Variants in INSL6 observed in about 807,000 individuals in gnomAD.
The protein encoded by INSL6 is insulin-like peptide INSL6.
In INSL6, 16 loss-of-function variants were observed where a neutral mutation model predicts 9.4. That is an observed-to-expected ratio of 1.70 (90% CI 1.15 to 2.59). The LOEUF (loss-of-function observed/expected upper bound fraction) is 2.59, where lower values mean the gene tolerates loss of function less well. INSL6 is among the 30% of genes most tolerant of loss of function. INSL6 has a pLI of 0.00. For missense variants in INSL6, 391 were observed against 257.3 expected (o/e 1.52, Z -3.56); for synonymous variants, 154 against 96.9 (o/e 1.59, Z -3.46).
downstream of INSL6, among the ~76,000 whole-genome samples, chr9:5,162,897 G>A (rs1338670235): frequency 6.6e-6 from 1 of 152,132 alleles, no homozygotes; most frequent in Admixed American, 6.5e-5. Context: ...GTACGAAGTA[G>A]GAATTCCATT....
At chr9:5,038,845 G>A in the INSL6 span, among the ~76,000 whole-genome samples, 7 of 152,052 alleles carry the variant, frequency 4.6e-5, no homozygotes, top group African/African-American at 1.7e-4. Flanking sequence ...TACAAGGCTA[G>A]TGTAACTTCC....
chr9:5,185,130 TA>T (rs569111077), intron 1 of INSL6, among the ~76,000 whole-genome samples, 183 bp downstream of exon 1: 1,946 of 148,188 alleles, frequency 0.013, 18 homozygotes, highest in African/African-American at 0.021. Flanking sequence ...TCCTCCAAGT[TA>T]AAAAAAAAAG....
intron 1 of INSL6, among the ~76,000 whole-genome samples, chr9:5,178,834 C>T (rs1162523509): frequency 6.6e-6 from 1 of 152,106 alleles, no homozygotes; most frequent in Admixed American, 6.6e-5. Flanking sequence ...AACTGGACCC[C>T]TTCCTTACAC....
intron 2 of INSL6, among the ~76,000 whole-genome samples, chr9:5,139,280 T>C (rs908412424): frequency 1.3e-5 from 2 of 151,934 alleles, no homozygotes; most frequent in East Asian, 3.8e-4. Context: ...TTTTTTCACG[T>C]GCAGTTTAGT....
chr9:5,178,352 G>C (rs544610910), intron 1 of INSL6, among the ~76,000 whole-genome samples: 2 of 152,258 alleles, frequency 1.3e-5, no homozygotes, highest in East Asian at 1.9e-4. Flanking sequence ...AGCTGTTCCA[G>C]CTTGCTGGTT....
At chr9:5,008,195 G>C in the INSL6 span, among the ~76,000 whole-genome samples, 2 of 152,066 alleles carry the variant, frequency 1.3e-5, no homozygotes, top group East Asian at 3.8e-4. Flanking sequence ...TCAATATTAT[G>C]GGTCCCAAAT....
At chr9:5,112,605 G>A in the INSL6 span, 1 of 819,660 alleles carries the variant, frequency 1.2e-6, no homozygotes, top group Non-Finnish European at 1.9e-6. Context: ...AAGGAGCTGG[G>A]GCGCATGTGG....
intron 2 of INSL6, among the ~76,000 whole-genome samples, chr9:5,141,824 T>C (rs919327968): frequency 3.9e-5 from 6 of 152,232 alleles, no homozygotes; most frequent in Non-Finnish European, 8.8e-5. Context: ...ATTGCCTAGG[T>C]TGTCTCCCAG....
chr9:5,166,054 G>C (rs905926343), intron 1 of INSL6, among the ~76,000 whole-genome samples: 2 of 152,164 alleles, frequency 1.3e-5, no homozygotes, highest in African/African-American at 4.8e-5. Context: ...TCCTCAGTTT[G>C]AAACTAGAAC....
chr9:5,083,160 A>G, the INSL6 span, among the ~76,000 whole-genome samples: 8 of 152,194 alleles, frequency 5.3e-5, no homozygotes, highest in Non-Finnish European at 8.8e-5. Flanking sequence ...AAAGGAATAC[A>G]TAAGCTTTTC....
chr9:5,180,489 A>G (rs1234842542), intron 1 of INSL6, among the ~76,000 whole-genome samples: 1 of 152,182 alleles, frequency 6.6e-6, no homozygotes, highest in Admixed American at 6.5e-5. Flanking sequence ...CTAGCAAGGA[A>G]TATTAGTATT....
intron 3 of INSL6, chr9:5,127,394 T>G (rs1355766332): frequency 8.6e-6 from 2 of 231,810 alleles, no homozygotes; most frequent in African/African-American, 2.2e-5. Flanking sequence ...TAGCTTGTAG[T>G]TCCATGTACT....
the INSL6 span, among the ~76,000 whole-genome samples, chr9:5,096,215 C>A: frequency 6.6e-6 from 1 of 152,158 alleles, no homozygotes; most frequent in Non-Finnish European, 1.5e-5. Flanking sequence ...CCACTTATTT[C>A]TTCTACCTTC....
At chr9:5,184,303 C>A (rs771841308) in intron 1 of INSL6, among the ~76,000 whole-genome samples, 1 of 152,202 alleles carries the variant, frequency 6.6e-6, no homozygotes, top group Non-Finnish European at 1.5e-5. Flanking sequence ...ATCAAATCAA[C>A]TGAATTACTG....
chr9:5,025,786 C>T, the INSL6 span, among the ~76,000 whole-genome samples: 1 of 152,082 alleles, frequency 6.6e-6, no homozygotes, highest in Non-Finnish European at 1.5e-5. Context: ...CCTGCCTCGG[C>T]CTCTCAAAGT....
chr9:5,120,634 A>AT (rs1420633689), downstream of INSL6, among the ~76,000 whole-genome samples: 1 of 152,174 alleles, frequency 6.6e-6, no homozygotes, highest in Non-Finnish European at 1.5e-5. Context: ...AGAAGTACCC[A>AT]TTGGATGATC....
the INSL6 span, chr9:5,094,699 G>A: frequency 6.6e-6 from 1 of 152,072 alleles, no homozygotes; most frequent in Non-Finnish European, 1.5e-5. Context: ...CTAGTTTCAG[G>A]CTTCAATGTC....
the INSL6 span, chr9:5,114,017 G>A: frequency 3.2e-6 from 1 of 309,042 alleles, no homozygotes; most frequent in Admixed American, 4.0e-5. Context: ...ATGTGAACTG[G>A]TCCATCGCCT....
chr9:5,018,831 C>G, the INSL6 span, among the ~76,000 whole-genome samples: 51 of 152,120 alleles, frequency 3.4e-4, no homozygotes, highest in Admixed American at 1.4e-3. Flanking sequence ...TTTCATATAT[C>G]GTTCCATTCT....
Sources: gnomAD v4.1 joint callset for allele counts (sites outside exome capture counted in the v4.1 genomes callset) on GRCh38, gnomAD v4.1.1 for gene constraint, MANE v1.5 for transcripts, NCBI Gene and HGNC (gene_info 2026-07-23, HGNC 2026-07-21) for gene names.